Variants in STX3 observed in about 807,000 individuals in gnomAD.
STX3 encodes syntaxin-3.
In STX3, 19 loss-of-function variants were observed where a neutral mutation model predicts 40.2. The ratio of observed to expected loss-of-function variants is 0.47; its 90% CI spans 0.33 to 0.69. STX3 has a LOEUF of 0.69. Ranked by LOEUF, STX3 falls within the 30% of genes least tolerant of loss-of-function variation. The probability of loss-of-function intolerance (pLI) is 0.02; values close to 1 mark genes in which losing one functional copy is unlikely to be tolerated. For missense variants in STX3, 364 were observed against 366.7 expected, an observed-to-expected ratio of 0.99 and a Z score of 0.06; for synonymous variants, 122 against 132.2, an observed-to-expected ratio of 0.92 and a Z score of 0.53.
intron 10 of STX3, chr11:59,800,018 T>G (rs1220640974): frequency 1.0e-6 from 1 of 985,338 alleles, no homozygotes; most frequent in African/African-American, 1.7e-5. Context: ...TATTCCTAAT[T>G]CCAGGACTTC....
intron 9 of STX3, chr11:59,795,728 T>G: frequency 6.5e-7 from 1 of 1,533,148 alleles, no homozygotes; most frequent in South Asian, 1.2e-5. Flanking sequence ...CACCTTCATC[T>G]CAACTGTCCT....
At position 59,796,677 on chromosome 11, in the gene STX3, A is replaced by G. The variant is rs763678857; in HGVS notation, c.787-606A>G. On this transcript the variant is annotated intron_variant, in intron 9 of 10. Coordinates refer to ENST00000337979, the MANE Select transcript of STX3 (RefSeq NM_004177.5). ...AGTCAGTGACTTTTTATCTTGGCCAACTGCTCCTTAGAGACCCCACGATAG... is the reference window on the plus strand; with the variant it reads ...AGTCAGTGACTTTTTATCTTGGCCAGCTGCTCCTTAGAGACCCCACGATAG... Among the ~76,000 whole-genome samples the G allele has an allele frequency of 2.0e-5, 3 of 152,276 alleles. No homozygotes were observed. The East Asian group carries it at 5.8e-4, about 29-fold the overall frequency.
Position 59,803,196 on chromosome 11 carries a change from C to A in STX3, c.*2372C>A, listed in dbSNP as rs924321539. ...CGATGATGTTTCTCATGTATTCTTT[C>A]TTTCCTTGTCTGGATGAGCAGAAGA... On this transcript the variant is annotated 3_prime_UTR_variant, in exon 11 of 11. Transcript: ENST00000337979. The A allele has an allele frequency of 1.9e-5, 23 of 1,231,570 alleles. No homozygotes were observed. The highest frequency in any genetic ancestry group is 4.2e-5 in the Admixed American group (1 of 23,692). The allele number at this position is 1,231,570 out of a possible 1,614,324, so 76.3% of individuals were successfully genotyped here.
chr11:59,765,722 T>C (rs1392133577), intron 1 of STX3, among the ~76,000 whole-genome samples: 4 of 152,066 alleles, frequency 2.6e-5, no homozygotes, highest in Admixed American at 2.6e-4. Context: ...GAGAATCACT[T>C]GAACACAGGA....
At position 59,788,875 on chromosome 11, in the gene STX3, A is replaced by G; in HGVS notation, c.217A>G (p.Thr73Ala). 1 of 1,611,964 alleles carries G rather than the reference A, an allele frequency of 6.2e-7. No homozygotes were observed. Among genetic ancestry groups the G allele is most frequent in the Admixed American group, 1.7e-5 (1 of 59,652 alleles). ...TCTGCCTGCCTTTATTTACCCAGAA[A>G]CCAAGGATGACCTAGAGCAGCTCAC... ...ILSAPIPEPK[T>A]KDDLEQLTTE... Residue 73 changes from threonine (T) to alanine (A), a missense_variant and splice_region_variant, in exon 4 of 11, where the codon ACC (threonine) becomes GCC (alanine). By Grantham distance (58) the Thr-to-Ala change is moderately conservative. Coordinates refer to ENST00000337979, the MANE Select transcript of STX3 (RefSeq NM_004177.5).
intron 10 of STX3, among the ~76,000 whole-genome samples, chr11:59,797,608 C>T (rs1365694869): frequency 6.6e-6 from 1 of 152,160 alleles, no homozygotes; most frequent in Non-Finnish European, 1.5e-5. Flanking sequence ...TTGTTCTTAT[C>T]CTGTAGATTC....
rs115456904 is a variant in STX3 at position 59,803,338 on chromosome 11, T to G, written c.*2514T>G. On this transcript the variant is annotated 3_prime_UTR_variant, in exon 11 of 11. Coordinates refer to ENST00000337979, the MANE Select transcript of STX3 (RefSeq NM_004177.5). ...TGGGGAGGGTCAGACCTTCTTTCAC[T>G]GACTTGAAACCTTTGTGTCTTGGGG... is the stretch of plus-strand genomic sequence containing the variant. 5.6e-4 allele frequency: 683 copies of G among 1,209,982 alleles called. 4 individuals carry two copies. In the African/African-American group the frequency reaches 7.8e-3, roughly 14 times the overall value. The allele number at this position is 1,209,982 out of a possible 1,614,324, so 75.0% of individuals were successfully genotyped here.
At position 59,779,742 on chromosome 11, in the gene STX3, G is replaced by T. The variant is rs566161982; in HGVS notation, c.114+6448G>T. On this transcript the variant is annotated intron_variant, in intron 2 of 10. Coordinates refer to ENST00000337979, the MANE Select transcript of STX3 (RefSeq NM_004177.5). The stretch of plus-strand genomic sequence containing the variant: ...TGGGAGAAGTTAGGGTGGATAAATT[G>T]TGGGCATAGTGCAGCAGAGCCTGGC... 2.0e-5 allele frequency among the ~76,000 whole-genome samples: 3 copies of T among 152,230 alleles called. No individual in the cohort carries two copies. In the South Asian group the frequency reaches 6.2e-4, roughly 32 times the overall value.
rs1234879105 is a variant in STX3, at chr11:59,755,506, C to T, written c.-100C>T. The T allele has an allele frequency of 5.0e-6, 7 of 1,400,856 alleles. No homozygotes were observed. The South Asian group carries it at 1.0e-4, about 21-fold the overall frequency. The allele number at this position is 1,400,856 out of a possible 1,614,324, so 86.8% of individuals were successfully genotyped here. A position where few individuals can be genotyped will look rare whatever the true frequency, so the allele number is the denominator to read the frequency against. The stretch of plus-strand genomic sequence containing the variant: ...TGCGCCTCCAGCTCCTTCGCCCCGG[C>T]GGGCCCGGCCGCCGCTTCCGGCAGC... On this transcript the variant is annotated 5_prime_UTR_variant, in exon 1 of 11. Coordinates refer to ENST00000337979, the MANE Select transcript of STX3 (RefSeq NM_004177.5).
At chr11:59,783,997 G>T (rs1864594212) in intron 2 of STX3, among the ~76,000 whole-genome samples, 1 of 152,148 alleles carries the variant, frequency 6.6e-6, no homozygotes, top group South Asian at 2.1e-4. Flanking sequence ...GGCCTGGGAA[G>T]TCCCGTAGGC....
intron 1 of STX3, among the ~76,000 whole-genome samples, chr11:59,757,513 C>G (rs1452103112): frequency 6.6e-6 from 1 of 152,128 alleles, no homozygotes; most frequent in Non-Finnish European, 1.5e-5. Context: ...GTCTCTTTGC[C>G]TCTCCTCGGT....
At chr11:59,778,325 A>G (rs183023266) in intron 2 of STX3, among the ~76,000 whole-genome samples, 20 of 152,278 alleles carry the variant, frequency 1.3e-4, no homozygotes, top group African/African-American at 4.8e-4. Flanking sequence ...TTCATCAGAG[A>G]GGAAAACTGC....
chr11:59,774,746 G>A (rs564052518), intron 2 of STX3, among the ~76,000 whole-genome samples: 1 of 151,896 alleles, frequency 6.6e-6, no homozygotes, highest in South Asian at 2.1e-4. Context: ...CAGGAGAATC[G>A]CTTGAACCCA....
At position 59,801,489 on chromosome 11, in the gene STX3, A is replaced by T. The variant is rs1300395791; in HGVS notation, c.*665A>T. 1 of 985,786 alleles carries T rather than the reference A, an allele frequency of 1.0e-6. No individual in the cohort carries two copies. Among genetic ancestry groups the T allele is most frequent in the East Asian group, 1.1e-4 (1 of 8,812 alleles). The allele number at this position is 985,786 out of a possible 1,614,324, so 61.1% of individuals were successfully genotyped here. A position where few individuals can be genotyped will look rare whatever the true frequency, so the allele number is the denominator to read the frequency against. On this transcript the variant is annotated 3_prime_UTR_variant, in exon 11 of 11. Coordinates refer to ENST00000337979, the MANE Select transcript of STX3 (RefSeq NM_004177.5). ...GTGTTGTAGTCTCTCATATTTACTC[A>T]AGGAGGGACCAGGATGATACAGTCA...
In STX3 at chr11:59,787,678, GGAA is replaced by G. The variant is rs565709419; in HGVS notation, c.214+549_214+551del. Among the ~76,000 whole-genome samples, 7 of 152,302 alleles carry G rather than the reference GGAA, an allele frequency of 4.6e-5. No homozygotes were observed. The East Asian group carries it at 1.4e-3, about 29-fold the overall frequency. On this transcript the variant is annotated intron_variant, in intron 3 of 10. Transcript: ENST00000337979. Reference sequence around the variant, plus strand: ...CCTTTTGGCTTCCCTGGGCCACATTGGAAGAAGAATTGTCTTGGGCCATACATA... The same window carrying G: ...CCTTTTGGCTTCCCTGGGCCACATTGGAAGAATTGTCTTGGGCCATACATA...
chr11:59,785,202 C>A (rs560287065), intron 2 of STX3, among the ~76,000 whole-genome samples: 4 of 152,366 alleles, frequency 2.6e-5, no homozygotes, highest in African/African-American at 9.6e-5. Context: ...AGCAGCTCTA[C>A]TCTTAAACTC....
intron 5 of STX3, 38 bp from the exon 6 acceptor site, chr11:59,792,069 A>G: frequency 6.5e-7 from 1 of 1,537,316 alleles, no homozygotes. Flanking sequence ...CAGTTACAGA[A>G]CCACTGGGGC....
rs555747164 is a variant in STX3, at chr11:59,803,405, A to G, written c.*2581A>G. On this transcript the variant is annotated 3_prime_UTR_variant, in exon 11 of 11. Coordinates refer to ENST00000337979, the MANE Select transcript of STX3 (RefSeq NM_004177.5). ...AATCTGGGTGGGATTAGGTGCTAAT[A>G]ATGGTTAGAGAAAACTAAAGAAAGG... 11 of 626,482 alleles carry G rather than the reference A, an allele frequency of 1.8e-5. No individual in the cohort carries two copies. Among genetic ancestry groups the G allele is most frequent in the Non-Finnish European group, 2.3e-5 (10 of 435,950 alleles). The allele number at this position is 626,482 out of a possible 1,614,324, so 38.8% of individuals were successfully genotyped here. A position where few individuals can be genotyped will look rare whatever the true frequency, so the allele number is the denominator to read the frequency against.
chr11:59,789,174 G>A, intron 4 of STX3: 1 of 391,804 alleles, frequency 2.6e-6, no homozygotes, highest in Non-Finnish European at 4.7e-6. Context: ...GAAGCTAGGA[G>A]ATGAGAATTA....
Sources: gnomAD v4.1 joint callset for allele counts (sites outside exome capture counted in the v4.1 genomes callset) on GRCh38, gnomAD v4.1.1 for gene constraint, MANE v1.5 for transcripts, NCBI Gene and HGNC (gene_info 2026-07-23, HGNC 2026-07-21) for gene names.